LPIN3: variants seen among roughly 807,000 people sequenced by gnomAD.
The protein encoded by LPIN3 is lipin 3.
A neutral mutation model predicts 94.7 loss-of-function variants in LPIN3; 82 were observed. The ratio of observed to expected loss-of-function variants is 0.87; its 90% CI spans 0.72 to 1.04. LPIN3 has a LOEUF of 1.04. Among genes scored for constraint, LPIN3 ranks in the 50% least tolerant of loss-of-function variants. LPIN3 has a pLI of 0.00. For missense variants in LPIN3, 996 were observed against 1,090.5 expected, an observed-to-expected ratio of 0.91 and a Z score of 1.22; for synonymous variants, 418 against 443.3, an observed-to-expected ratio of 0.94 and a Z score of 0.72.
In LPIN3 at chr20:41,352,140, C is replaced by A; in HGVS notation, c.1283C>A (p.Pro428His). The A allele has an allele frequency of 6.2e-7, 1 of 1,614,252 alleles. No homozygotes were observed. Residue 428 changes from proline to histidine, a missense_variant, in exon 9 of 20, where the codon CCT (proline) becomes CAT (histidine). Pro to His is a moderately conservative substitution (Grantham distance 77). Transcript: ENST00000373257. ...AGGGACCCCAACCCTGAACATGAAC[C>A]TGAACCCACTCTGGACACAGTGGAT... The part of the protein sequence containing the change: ...SLRDPNPEHE[P>H]EPTLDTVDTI...
chr20:41,342,398 A>T (rs191432779), intron 1 of LPIN3, among the ~76,000 whole-genome samples: 9 of 152,240 alleles, frequency 5.9e-5, no homozygotes, highest in Non-Finnish European at 1.2e-4. Context: ...TTGGGGGAGA[A>T]GATTCAGAGG....
In LPIN3 at chr20:41,357,945, G is replaced by A. The variant is rs111716160; in HGVS notation, c.2103G>A (p.Gly701=). The A allele has an allele frequency of 3.0e-5, 49 of 1,614,002 alleles. 2 individuals are homozygous for A. The highest frequency in any genetic ancestry group is 2.7e-4 in the African/African-American group (20 of 75,056). Residue 701 remains glycine, a synonymous_variant, in exon 17 of 20, where the codon GGG becomes GGA. Coordinates refer to ENST00000373257, the MANE Select transcript of LPIN3 (RefSeq NM_022896.3). ...RAIGMADLTK[G]YLQWVSEGGC... ...TTGGCATGGCGGACCTCACCAAGGG[G>A]TACCTGCAGTGGGTGAGCGAGGGGG...
intron 1 of LPIN3, among the ~76,000 whole-genome samples, chr20:41,343,814 C>A (rs1170277863): frequency 6.6e-6 from 1 of 152,228 alleles, no homozygotes; most frequent in African/African-American, 2.4e-5. Context: ...AGTCCCGGCA[C>A]TTTGGTAGGC....
chr20:41,341,151 C>A, intron 1 of LPIN3, 149 bp downstream of exon 1: 1 of 152,746 alleles, frequency 6.5e-6, no homozygotes, highest in Non-Finnish European at 1.5e-5. Context: ...AGGGACTGGC[C>A]TCATTTTGTC....
At chr20:41,344,393 T>G (rs1461996299) in intron 1 of LPIN3, among the ~76,000 whole-genome samples, 1 of 152,250 alleles carries the variant, frequency 6.6e-6, no homozygotes, top group Non-Finnish European at 1.5e-5. Context: ...CTTGAATAGT[T>G]TCCTCACCTG....
rs201821710 is a variant in LPIN3 at position 41,351,125 on chromosome 20, T to C, written c.1103-696T>C. 6.0e-4 allele frequency among the ~76,000 whole-genome samples: 91 copies of C among 151,588 alleles called. No individual in the cohort carries two copies. The East Asian group carries it at 0.017, about 28-fold the overall frequency. The stretch of plus-strand genomic sequence containing the variant: ...TTAACTAGCCAGGCATGGTGGCATG[T>C]GCCTGTAGTCCCAACTACTGAGGAG... On this transcript the variant is annotated intron_variant, in intron 7 of 19. Coordinates refer to ENST00000373257, the MANE Select transcript of LPIN3 (RefSeq NM_022896.3).
chr20:41,345,756 G>A (rs758344229), intron 1 of LPIN3, 40 bp from the exon 2 acceptor site: 43 of 1,568,156 alleles, frequency 2.7e-5, no homozygotes, highest in Non-Finnish European at 3.3e-5. Flanking sequence ...TGGAGGAGCT[G>A]GAGCAGACCT....
intron 1 of LPIN3, among the ~76,000 whole-genome samples, chr20:41,342,706 C>G (rs1421883037): frequency 6.6e-6 from 1 of 151,156 alleles, no homozygotes; most frequent in Non-Finnish European, 1.5e-5. Flanking sequence ...GCTGAGCAGG[C>G]AGATGTGGGG....
At position 41,357,402 on chromosome 20, in the gene LPIN3, A is replaced by C; in HGVS notation, c.1994A>C (p.Asp665Ala). Residue 665 changes from aspartate to alanine, a missense_variant, in exon 16 of 20, where the codon GAC becomes GCC. Physicochemically the swap from Asp to Ala is moderately radical, Grantham distance 126. Coordinates refer to ENST00000373257, the MANE Select transcript of LPIN3 (RefSeq NM_022896.3). ...CATATCCTGCCCCAGCTGGGGAAAG[A>C]CTGGACACACCAGGGCATCACCAGT... is the stretch of plus-strand genomic sequence containing the variant. ...LGHILPQLGK[D>A]WTHQGITSLY... 6.2e-7 allele frequency: 1 copy of C among 1,613,942 alleles called. No individual in the cohort carries two copies. The highest frequency in any genetic ancestry group is 1.1e-5 in the South Asian group (1 of 91,076).
intron 1 of LPIN3, 45 bp downstream of exon 1, chr20:41,341,047 C>G (rs1290540568): frequency 6.6e-6 from 1 of 152,272 alleles, no homozygotes; most frequent in African/African-American, 2.4e-5. Context: ...TCTCCCCTCC[C>G]GCCCTGCCCA....
chr20:41,349,884 G>T lies in LPIN3; in HGVS notation c.749G>T (p.Arg250Met), dbSNP rs751849275. 9 of 1,612,638 alleles carry T rather than the reference G, an allele frequency of 5.6e-6. No homozygotes were observed. The highest frequency in any genetic ancestry group is 1.7e-4 in the Middle Eastern group (1 of 6,058). ...TCCCACATGCAGTGGGCCTGGGGGA[G>T]GCTGCCTAAGGTGAGTCCCTCTGTA... ...AESHMQWAWG[R>M]LPKVARAERP... is the part of the protein sequence containing the mutation. The change falls in exon 6 of 20, where the codon AGG becomes ATG. Residue 250 changes from arginine to methionine, a missense_variant. By Grantham distance (91) the Arg-to-Met change is moderately conservative (BLOSUM62 -1). Transcript: ENST00000373257.
chr20:41,352,293 T>C (rs73267555), intron 9 of LPIN3, 73 bp downstream of exon 9: 78,364 of 1,552,208 alleles, frequency 0.05, 9,421 homozygotes, highest in East Asian at 0.48. Flanking sequence ...CAGGGAAGAC[T>C]GTGAGGGTGG....
Position 41,352,718 on chromosome 20 carries a change from G to T in LPIN3, c.1457+19G>T. On this transcript the variant is annotated intron_variant, in intron 10 of 19. Coordinates refer to ENST00000373257, the MANE Select transcript of LPIN3 (RefSeq NM_022896.3). Reference sequence around the variant, plus strand: ...ATGGAAAGTAAGTCCCAGAGCTGGGGCTGCTGGCAGCCGGAGAGTCATTTC... The same window carrying T: ...ATGGAAAGTAAGTCCCAGAGCTGGGTCTGCTGGCAGCCGGAGAGTCATTTC... 5 of 1,612,894 alleles carry T rather than the reference G, an allele frequency of 3.1e-6. No individual in the cohort carries two copies. The highest frequency in any genetic ancestry group is 2.5e-6 in the Non-Finnish European group (3 of 1,178,830).
chr20:41,352,489 C>G (rs1044606015), intron 9 of LPIN3, 117 bp from the exon 10 acceptor site: 15 of 936,862 alleles, frequency 1.6e-5, no homozygotes, highest in Non-Finnish European at 2.2e-5. Flanking sequence ...GGAGCACTGC[C>G]AGGTTACAAA....
At position 41,354,638 on chromosome 20, in the gene LPIN3, C is replaced by A; in HGVS notation, c.1528-7C>A. 1 of 1,565,232 alleles carries A rather than the reference C, an allele frequency of 6.4e-7. No individual in the cohort carries two copies. The highest frequency in any genetic ancestry group is 1.2e-5 in the South Asian group (1 of 82,894). ...GAAACACTGCCATGGCTTTCATCTG[C>A]CCACAGAGCACCATGGACAAGCTGG... On this transcript the variant is annotated splice_region_variant and splice_polypyrimidine_tract_variant and intron_variant, in intron 11 of 19. Transcript: ENST00000373257.
chr20:41,357,524 G>A, intron 16 of LPIN3, 77 bp downstream of exon 16: 1 of 1,325,542 alleles, frequency 7.5e-7, no homozygotes, highest in Non-Finnish European at 1.1e-6. Context: ...AGGACATCTT[G>A]GGGACCAGCA....
intron 13 of LPIN3, among the ~76,000 whole-genome samples, 199 bp downstream of exon 13, chr20:41,355,062 T>C (rs572319014): frequency 6.6e-6 from 1 of 152,066 alleles, no homozygotes; most frequent in East Asian, 1.9e-4. Context: ...TCACCCAGGC[T>C]GGAGTGCAGT....
intron 3 of LPIN3, among the ~76,000 whole-genome samples, chr20:41,348,403 T>A (rs759524606): frequency 6.6e-6 from 1 of 152,138 alleles, no homozygotes; most frequent in Non-Finnish European, 1.5e-5. Flanking sequence ...GATGCCAAGA[T>A]CTCTGCCTGG....
rs1469964771 is a variant in LPIN3, at chr20:41,354,869, T to A, written c.1664+6T>A. 3 of 1,556,440 alleles carry A rather than the reference T, an allele frequency of 1.9e-6. No individual in the cohort carries two copies. In the Admixed American group the frequency reaches 5.8e-5, roughly 30 times the overall value. On this transcript the variant is annotated splice_donor_region_variant and intron_variant, in intron 13 of 19. Transcript: ENST00000373257. ...GCAGCCAAGGAGCAGCAGGGGTGAG[T>A]GAGACCCCCTATTGGGGCTCTGCAG...
Sources: gnomAD v4.1 joint callset for allele counts (sites outside exome capture counted in the v4.1 genomes callset) on GRCh38, gnomAD v4.1.1 for gene constraint, MANE v1.5 for transcripts, NCBI Gene and HGNC (gene_info 2026-07-23, HGNC 2026-07-21) for gene names.